ANO1: variants seen among roughly 807,000 people sequenced by gnomAD.
The protein encoded by ANO1 is anoctamin-1.
Under a neutral mutation model 124.0 loss-of-function variants are expected in ANO1, and 59 were observed. That is an observed-to-expected ratio of 0.48 (90% CI 0.39 to 0.59). ANO1 has a LOEUF of 0.59. ANO1 is among the 20% of genes least tolerant of loss of function. The probability of loss-of-function intolerance (pLI) is 0.00; values close to 1 mark genes in which losing one functional copy is unlikely to be tolerated. For synonymous variants in ANO1, 529 were observed against 532.0 expected (o/e 0.99, Z 0.08); for missense variants, 1,059 against 1,328.0 (o/e 0.80, Z 3.15).
In ANO1 at chr11:70,022,889, G is replaced by A. The variant is rs534880749; in HGVS notation, c.58+36723G>A. Among the ~76,000 whole-genome samples the A allele has an allele frequency of 7.2e-5, 11 of 152,300 alleles. No homozygotes were observed. The South Asian group carries it at 2.1e-3, about 29-fold the overall frequency. ...CTGGTGGGCCCAACATCATCACAGG[G>A]AGCTTATAAGTAAGAGGAGGCAGGG... On this transcript the variant is annotated intron_variant, in intron 1 of 27. Coordinates refer to the ANO1 transcript ENST00000531349.
intron 1 of ANO1, among the ~76,000 whole-genome samples, chr11:70,007,677 C>T (rs1856520417): frequency 6.6e-6 from 1 of 152,180 alleles, no homozygotes; most frequent in South Asian, 2.1e-4. Context: ...GTTGTTTCCA[C>T]CCCTTGCCTG....
intron 6 of ANO1, 78 bp downstream of exon 6, chr11:70,108,482 G>T: frequency 6.7e-7 from 1 of 1,500,110 alleles, no homozygotes; most frequent in Non-Finnish European, 9.3e-7. Context: ...TCTGTGGGAG[G>T]CAGGCAGCCG....
intron 1 of ANO1, among the ~76,000 whole-genome samples, chr11:70,030,039 GT>G (rs1277113682): frequency 6.6e-6 from 1 of 152,218 alleles, no homozygotes; most frequent in Non-Finnish European, 1.5e-5. Flanking sequence ...CTCCTAGGTG[GT>G]GCCACCAGGA....
intron 1 of ANO1, among the ~76,000 whole-genome samples, chr11:69,986,669 A>G (rs1856049264): frequency 7.5e-6 from 1 of 132,844 alleles, no homozygotes; most frequent in East Asian, 2.2e-4. Flanking sequence ...GAACTTAGAG[A>G]GCCGGAGACA....
chr11:70,013,828 A>AGAAAAG (rs1856647965), intron 1 of ANO1, among the ~76,000 whole-genome samples: 1 of 151,684 alleles, frequency 6.6e-6, no homozygotes, highest in African/African-American at 2.4e-5. Flanking sequence ...AGAAAAGAAA[A>AGAAAAG]AGTGTCACTG....
chr11:70,001,741 T>G (rs1856385467), intron 1 of ANO1, among the ~76,000 whole-genome samples: 5 of 151,974 alleles, frequency 3.3e-5, no homozygotes, highest in Admixed American at 2.6e-4. Flanking sequence ...TTGCAGGTGC[T>G]TTTCTGTATA....
Position 70,096,864 on chromosome 11 carries a change from A to AAATAAT in ANO1, c.442-6183_442-6178dup, listed in dbSNP as rs746050611. Among the ~76,000 whole-genome samples, 7 of 151,474 alleles carry AAATAAT rather than the reference A, an allele frequency of 4.6e-5. No homozygotes were observed. The East Asian group carries it at 7.8e-4, about 17-fold the overall frequency. ...TGACAGAGTGGGACTCTGTCTCAAA[A>AAATAAT]AATAATAATAATAATAATAATAATC... On this transcript the variant is annotated intron_variant, in intron 2 of 25. Coordinates refer to ENST00000355303, the MANE Select transcript of ANO1 (RefSeq NM_018043.7).
chr11:70,060,224 G>A (rs936069841), intron 1 of ANO1, among the ~76,000 whole-genome samples: 5 of 152,192 alleles, frequency 3.3e-5, no homozygotes, highest in African/African-American at 1.2e-4. Context: ...CATTCCTTCA[G>A]TGAAAGAGAG....
intron 1 of ANO1, among the ~76,000 whole-genome samples, chr11:70,007,938 T>C (rs1396535220): frequency 6.6e-6 from 1 of 152,230 alleles, no homozygotes; most frequent in Non-Finnish European, 1.5e-5. Context: ...ATTACTTTTT[T>C]TAATAGCGGC....
rs149855758 is a variant in ANO1, at chr11:69,990,541, C to T, written c.58+4375C>T. On this transcript the variant is annotated intron_variant, in intron 1 of 27. Coordinates refer to the ANO1 transcript ENST00000531349. ...AAATTGCTGGATCACATAGTTTTATCTTTAACTTTTTAAGGAACTGCCAAA... is the reference window on the plus strand; with the variant it reads ...AAATTGCTGGATCACATAGTTTTATTTTTAACTTTTTAAGGAACTGCCAAA... Among the ~76,000 whole-genome samples the T allele has an allele frequency of 7.7e-3, 1,170 of 152,262 alleles. 7 individuals are homozygous for T. The highest frequency in any genetic ancestry group is 0.014 in the Non-Finnish European group (939 of 68,016).
At chr11:70,150,185 G>A (rs770184411) in intron 12 of ANO1, among the ~76,000 whole-genome samples, 4 of 152,160 alleles carry the variant, frequency 2.6e-5, no homozygotes, top group Non-Finnish European at 2.9e-5. Flanking sequence ...AAAAGTGGCC[G>A]TGAGCATCTG....
At chr11:70,007,264 C>CCTTT (rs141668975) in intron 1 of ANO1, among the ~76,000 whole-genome samples, 89,781 of 133,204 alleles carry the variant, frequency 0.67, 31,040 homozygotes, top group East Asian at 0.96. Flanking sequence ...TGCAGAACCT[C>CCTTT]CTTTCTTTCT....
chr11:70,107,490 C>CGGGGGGGGGGGGGGGGGGGGGGGG (rs1432604573), intron 5 of ANO1, among the ~76,000 whole-genome samples: 1 of 64,488 alleles, frequency 1.6e-5, no homozygotes, highest in African/African-American at 6.2e-5. Context: ...CCAGTGGAGG[C>CGGGGGGGGGGGGGGGGGGGGGGGG]GGCGGGGCGG....
chr11:70,144,478 G>C (rs2047277777), intron 11 of ANO1, among the ~76,000 whole-genome samples: 1 of 152,240 alleles, frequency 6.6e-6, no homozygotes, highest in African/African-American at 2.4e-5. Context: ...AGTGTGGTCA[G>C]CTGCCCATGC....
At chr11:69,990,152 C>T (rs565231381) in intron 1 of ANO1, among the ~76,000 whole-genome samples, 4 of 152,294 alleles carry the variant, frequency 2.6e-5, no homozygotes, top group East Asian at 3.9e-4. Flanking sequence ...TTCCCCACCC[C>T]GCCCTGCCTC....
intron 22 of ANO1, 33 bp from the exon 23 acceptor site, chr11:70,179,971 G>T (rs566935524): frequency 6.3e-7 from 1 of 1,595,954 alleles, no homozygotes; most frequent in Non-Finnish European, 8.6e-7. Flanking sequence ...AGAGTGTAGG[G>T]CTCTTTAAAA....
rs1184429840 is a variant in ANO1 at position 70,029,390 on chromosome 11, C to T, written c.58+43224C>T. On this transcript the variant is annotated intron_variant, in intron 1 of 27. Coordinates refer to the ANO1 transcript ENST00000531349. ...CATTCACAGCCCTCAAAAGCCCACT[C>T]GGCTCATTTGCTTCAAGAGCCATTT... 5.9e-5 allele frequency among the ~76,000 whole-genome samples: 9 copies of T among 152,240 alleles called. 1 individual carries two copies. The highest frequency in any genetic ancestry group is 5.2e-4 in the Admixed American group (8 of 15,292).
At chr11:70,019,521 C>T (rs887937088) in intron 1 of ANO1, among the ~76,000 whole-genome samples, 1 of 151,692 alleles carries the variant, frequency 6.6e-6, no homozygotes, top group African/African-American at 2.4e-5. Context: ...CCGGCTCACC[C>T]AATTCACACG....
At chr11:70,011,621 CAGTT>C (rs1229004629) in intron 1 of ANO1, among the ~76,000 whole-genome samples, 3 of 152,186 alleles carry the variant, frequency 2.0e-5, no homozygotes, top group African/African-American at 7.2e-5. Flanking sequence ...TGAAGCATCT[CAGTT>C]AGGAGTATTT....
Sources: allele counts gnomAD v4.1 joint callset (sites outside exome capture counted in the v4.1 genomes callset), GRCh38; gene constraint gnomAD v4.1.1; transcripts MANE v1.5; gene names NCBI Gene and HGNC (gene_info 2026-07-23, HGNC 2026-07-21).